The following ADTRP variants were observed in gnomAD, a reference collection of about 807,000 sequenced individuals.
ADTRP encodes the protein androgen dependent TFPI regulating protein.
A neutral mutation model predicts 27.0 loss-of-function variants in ADTRP; 20 were observed. The observed-to-expected ratio is 0.74, with a 90% CI of 0.52 to 1.08. ADTRP has a LOEUF of 1.08. Ranked by LOEUF, ADTRP falls within the 50% of genes least tolerant of loss-of-function variation. The pLI is 0.00. For missense variants in ADTRP, 251 were observed against 275.0 expected, an observed-to-expected ratio of 0.91 and a Z score of 0.62; for synonymous variants, 101 against 105.2, an observed-to-expected ratio of 0.96 and a Z score of 0.25.
intron 1 of ADTRP, among the ~76,000 whole-genome samples, chr6:11,773,089 A>T (rs1479645340): frequency 6.6e-6 from 1 of 152,212 alleles, no homozygotes; most frequent in Non-Finnish European, 1.5e-5. Flanking sequence ...TCATTCACTC[A>T]TTCAACCAAC....
intron 4 of ADTRP, among the ~76,000 whole-genome samples, chr6:11,732,294 T>C (rs559427244): frequency 2.0e-5 from 3 of 152,354 alleles, no homozygotes; most frequent in Non-Finnish European, 4.4e-5. Flanking sequence ...TCCTGACTCA[T>C]GTTCGTTTCT....
chr6:11,715,041 A>G (rs1761768056), intron 5 of ADTRP, among the ~76,000 whole-genome samples: 1 of 152,228 alleles, frequency 6.6e-6, no homozygotes. Flanking sequence ...AAATTATAGC[A>G]TTAGATTTGT....
rs538082975 is a variant in ADTRP, at chr6:11,720,564, T to C, written c.658+2785A>G. Among the ~76,000 whole-genome samples, 58 of 151,826 alleles carry C rather than the reference T, an allele frequency of 3.8e-4. 1 individual carries two copies. Among genetic ancestry groups the C allele is most frequent in the South Asian group, 1.2e-3 (6 of 4,812 alleles). ...TCGGCTCACTGCAAGCTCCGCCTCC[T>C]GGTTTCATGCCATTCTCCTGCCTCA... On this transcript the variant is annotated intron_variant, in intron 5 of 5. Transcript: ENST00000414691.
At position 11,776,943 on chromosome 6, in the gene ADTRP, T is replaced by C. The variant is rs188552456; in HGVS notation, c.153+1664A>G. Among the ~76,000 whole-genome samples, 151 of 152,220 alleles carry C rather than the reference T, an allele frequency of 9.9e-4. 2 individuals carry two copies. Among genetic ancestry groups the C allele is most frequent in the African/African-American group, 3.6e-3 (149 of 41,522 alleles). ...AACCAAAACCAGTGCTTTGAGAAGA[T>C]TAATTTGGAATCTAAGTGGCTGGAT... is the stretch of plus-strand genomic sequence containing the variant. On this transcript the variant is annotated intron_variant, in intron 1 of 5. Transcript: ENST00000414691.
At chr6:11,723,547 C>T (rs556080242) in intron 4 of ADTRP, 47 bp from the exon 5 acceptor site, 6 of 1,603,000 alleles carry the variant, frequency 3.7e-6, no homozygotes, top group Non-Finnish European at 5.1e-6. Context: ...AGGAGAAAAA[C>T]AAGCCATTTT....
intron 5 of ADTRP, chr6:11,717,508 A>T (rs2113867046): frequency 2.5e-6 from 3 of 1,182,142 alleles, no homozygotes; most frequent in Non-Finnish European, 3.3e-6. Flanking sequence ...GTTAGAAATC[A>T]GGATAAATAA....
intron 4 of ADTRP, among the ~76,000 whole-genome samples, chr6:11,733,813 C>T (rs570426655): frequency 6.6e-6 from 1 of 152,278 alleles, no homozygotes; most frequent in African/African-American, 2.4e-5. Flanking sequence ...GACACCCGCC[C>T]AGGTACTGAC....
chr6:11,714,146 C>T lies in ADTRP; in HGVS notation c.*332G>A, dbSNP rs1377146897. 3 of 281,792 alleles carry T rather than the reference C, an allele frequency of 1.1e-5. No individual in the cohort carries two copies. Among genetic ancestry groups the T allele is most frequent in the East Asian group, 1.1e-4 (1 of 9,280 alleles). The allele number at this position is 281,792 out of a possible 1,614,324, so 17.5% of individuals were successfully genotyped here. On this transcript the variant is annotated 3_prime_UTR_variant, in exon 6 of 6. Transcript: ENST00000414691. The stretch of plus-strand genomic sequence containing the variant: ...TGAAGAGTTTAAATGACTCTAAGTT[C>T]CTCTCTCTCTCTCTAGATGTTCTCT...
chr6:11,749,093 C>T (rs180923787), intron 3 of ADTRP, among the ~76,000 whole-genome samples: 2 of 152,200 alleles, frequency 1.3e-5, no homozygotes, highest in East Asian at 3.9e-4. Context: ...AATGTGGCCA[C>T]GAGGGTGTTG....
In ADTRP at chr6:11,765,955, A is replaced by G. The variant is rs971994554; in HGVS notation, c.390+319T>C. Among the ~76,000 whole-genome samples, 13 of 152,190 alleles carry G rather than the reference A, an allele frequency of 8.5e-5. 1 individual carries two copies. The highest frequency in any genetic ancestry group is 2.9e-4 in the African/African-American group (12 of 41,528). On this transcript the variant is annotated intron_variant, in intron 3 of 5. Transcript: ENST00000414691. ...AAAGCTTACTTCATTCCATCCACAC[A>G]TCGGAAGTTTATGACATATTTGCAG...
At chr6:11,732,498 G>C (rs755969039) in intron 4 of ADTRP, among the ~76,000 whole-genome samples, 4 of 152,222 alleles carry the variant, frequency 2.6e-5, no homozygotes, top group Non-Finnish European at 5.9e-5. Context: ...TGGAAACTGC[G>C]TAAGGGTGGG....
At chr6:11,719,703 A>G (rs1212915765) in intron 5 of ADTRP, among the ~76,000 whole-genome samples, 2 of 152,156 alleles carry the variant, frequency 1.3e-5, no homozygotes, top group African/African-American at 2.4e-5. Context: ...AGAAGCAGAG[A>G]TTCCAACAGA....
At chr6:11,730,282 T>C (rs1441242647) in intron 4 of ADTRP, among the ~76,000 whole-genome samples, 1 of 152,120 alleles carries the variant, frequency 6.6e-6, no homozygotes, top group African/African-American at 2.4e-5. Flanking sequence ...CTGTGGAAAA[T>C]GGTGCTGAGA....
intron 4 of ADTRP, among the ~76,000 whole-genome samples, chr6:11,727,975 TAGGTAGGGAGGGAGGGAGGG>T (rs1440730258): frequency 2.1e-5 from 1 of 47,362 alleles, no homozygotes; most frequent in East Asian, 1.8e-3. Flanking sequence ...GGGAGGGAGG[TAGGTAGGGAGGGAGGGAGGG>T]AGGGAGGGAG....
Position 11,766,305 on chromosome 6 carries a change from GTA to G in ADTRP, c.357_358del (p.Thr120CysfsTer21), listed in dbSNP as rs1470835331. ...ATGATTCAGCCACACGGGGATGACA[GTA>G]TCTAGGACCTTGGGGTAAATGAGAT... On this transcript the variant is annotated frameshift_variant, in exon 3 of 6. Coordinates refer to ENST00000414691, the MANE Select transcript of ADTRP (RefSeq NM_032744.4). LOFTEE classifies it high-confidence loss of function. 6.2e-7 allele frequency: 1 copy of G among 1,612,374 alleles called. No homozygotes were observed. The highest frequency in any genetic ancestry group is 8.5e-7 in the Non-Finnish European group (1 of 1,179,178).
chr6:11,771,954 C>A (rs572632199), intron 1 of ADTRP, among the ~76,000 whole-genome samples: 2 of 152,324 alleles, frequency 1.3e-5, no homozygotes, highest in Non-Finnish European at 1.5e-5. Context: ...AAATCAATTT[C>A]TGTTGTGTAA....
intron 1 of ADTRP, among the ~76,000 whole-genome samples, chr6:11,775,364 A>G (rs1763918448): frequency 6.6e-6 from 1 of 151,442 alleles, no homozygotes; most frequent in Non-Finnish European, 1.5e-5. Flanking sequence ...CCCCATGGCT[A>G]CCCTATGGTT....
Position 11,778,643 on chromosome 6 carries a change from A to AT in ADTRP, c.116dup (p.Asn39LysfsTer12), listed in dbSNP as rs1418301927. On this transcript the variant is annotated frameshift_variant, in exon 1 of 6. Coordinates refer to ENST00000414691, the MANE Select transcript of ADTRP (RefSeq NM_032744.4). LOFTEE classifies it high-confidence loss of function. The stretch of plus-strand genomic sequence containing the variant: ...GCGTCATATATTTCCACCTTGCACC[A>AT]TTTGCCAAGATTTTGGGTTTCACCT... 6.2e-7 allele frequency: 1 copy of AT among 1,614,180 alleles called. No homozygotes were observed. The highest frequency in any genetic ancestry group is 1.7e-4 in the Middle Eastern group (1 of 6,060).
chr6:11,769,977 G>A lies in ADTRP; in HGVS notation c.154-1594C>T, dbSNP rs1014452554. 4.0e-5 allele frequency: 61 copies of A among 1,527,544 alleles called. No homozygotes were observed. In the South Asian group the frequency reaches 5.4e-4, roughly 13 times the overall value. 94.6% of individuals were successfully genotyped at this position (1,527,544 alleles called of 1,614,324 possible). A position where few individuals can be genotyped will look rare whatever the true frequency, so the allele number is the denominator to read the frequency against. ...TTCTCATAACAACCTTACGAGCCAA[G>A]TCCTATCATTAGACTCCCCCGCCCA... On this transcript the variant is annotated intron_variant, in intron 1 of 5. Coordinates refer to ENST00000414691, the MANE Select transcript of ADTRP (RefSeq NM_032744.4).
Sources: gnomAD v4.1 joint callset for allele counts (sites outside exome capture counted in the v4.1 genomes callset) on GRCh38, gnomAD v4.1.1 for gene constraint, MANE v1.5 for transcripts, NCBI Gene and HGNC (gene_info 2026-07-23, HGNC 2026-07-21) for gene names.